The following SNAPC4 variants were observed in gnomAD, a reference collection of about 807,000 sequenced individuals.
SNAPC4 encodes small nuclear RNA activating complex polypeptide 4.
Under a neutral mutation model 151.3 loss-of-function variants are expected in SNAPC4, and 127 were observed. The ratio of observed to expected loss-of-function variants is 0.84; its 90% CI spans 0.73 to 0.97. The LOEUF (loss-of-function observed/expected upper bound fraction) is 0.97, where lower values mean the gene tolerates loss of function less well. SNAPC4 is among the 50% of genes least tolerant of loss of function. SNAPC4 has a pLI of 0.00. For synonymous variants in SNAPC4, 1,002 were observed against 824.4 expected (o/e 1.22, Z -3.69); for missense variants, 2,186 against 1,935.0 (o/e 1.13, Z -2.43).
Position 136,383,216 on chromosome 9 carries a change from G to A in SNAPC4, c.1953C>T (p.Arg651=). Residue 651 remains arginine (R), a synonymous_variant, in exon 16 of 24, where the codon CGC becomes CGT. Coordinates refer to ENST00000684778, the MANE Select transcript of SNAPC4 (RefSeq NM_003086.4). The surrounding 1 kb of genome is among the most constrained non-coding windows in gnomAD (Gnocchi z 4.2). ...GGGCCTGCTTCTCTGCGCCCGCCGGGCGAGTGTCTGCTGAGTGGGAGGCCT... is the reference window on the plus strand; with the variant it reads ...GGGCCTGCTTCTCTGCGCCCGCCGGACGAGTGTCTGCTGAGTGGGAGGCCT... ...SAQASHSADT[R]PAGAEKQALE... The A allele has an allele frequency of 6.4e-7, 1 of 1,559,488 alleles. No homozygotes were observed. The highest frequency in any genetic ancestry group is 1.2e-5 in the South Asian group (1 of 83,724).
In SNAPC4 at chr9:136,386,323, G is replaced by A. The variant is rs186829416; in HGVS notation, c.1325+1162C>T. Among the ~76,000 whole-genome samples the A allele has an allele frequency of 1.5e-3, 223 of 151,820 alleles. 1 individual carries two copies. Among genetic ancestry groups the A allele is most frequent in the Admixed American group, 2.6e-3 (39 of 15,256 alleles). On this transcript the variant is annotated intron_variant, in intron 13 of 23. Coordinates refer to ENST00000684778, the MANE Select transcript of SNAPC4 (RefSeq NM_003086.4). Reference sequence around the variant, plus strand: ...GCGATTAGATTGGGTTGTTTTTGTCGTTGAATGGCTTTTTCGGGTGATGAA... The same window carrying A: ...GCGATTAGATTGGGTTGTTTTTGTCATTGAATGGCTTTTTCGGGTGATGAA...
chr9:136,387,922 A>G, intron 11 of SNAPC4, 74 bp from the exon 12 acceptor site: 2 of 884,682 alleles, frequency 2.3e-6, no homozygotes, highest in Non-Finnish European at 3.8e-6. Context: ...GCTAGGGACA[A>G]CAGGGTCCCG....
At position 136,383,106 on chromosome 9, in the gene SNAPC4, T is replaced by A; in HGVS notation, c.1983+80A>T. On this transcript the variant is annotated intron_variant, in intron 16 of 23. Transcript: ENST00000684778. The surrounding 1 kb of genome is among the most constrained non-coding windows in gnomAD (Gnocchi z 4.2). Reference sequence around the variant, plus strand: ...ACACGAACCCTGGGGCCCCTGCTGCTGCACTATCCCCAAGCGTCAGCCCTG... The same window carrying A: ...ACACGAACCCTGGGGCCCCTGCTGCAGCACTATCCCCAAGCGTCAGCCCTG... 1 of 1,483,642 alleles carries A rather than the reference T, an allele frequency of 6.7e-7. No homozygotes were observed. The highest frequency in any genetic ancestry group is 8.9e-7 in the Non-Finnish European group (1 of 1,120,960). The allele number at this position is 1,483,642 out of a possible 1,614,324, so 91.9% of individuals were successfully genotyped here. A position where few individuals can be genotyped will look rare whatever the true frequency, so the allele number is the denominator to read the frequency against.
chr9:136,391,886 T>TA lies in SNAPC4; in HGVS notation c.975+55dup, dbSNP rs1173830938. 3 of 1,550,052 alleles carry TA rather than the reference T, an allele frequency of 1.9e-6. No homozygotes were observed. In the African/African-American group the frequency reaches 4.1e-5, roughly 21 times the overall value. The stretch of plus-strand genomic sequence containing the variant: ...GCACCCGTCCAGCAGCCTCCCGCTA[T>TA]AGGGCCCACACGCCCTCAGGTCTCC... On this transcript the variant is annotated intron_variant, in intron 10 of 23. Transcript: ENST00000684778.
rs749431755 is a variant in SNAPC4, at chr9:136,384,832, A to C, written c.1326-18T>G. ...TGAGATACCTGAACGTGACATGAAA[A>C]GCAAAGAACGTTTTAGATGCCGAGA... On this transcript the variant is annotated intron_variant, in intron 13 of 23. Transcript: ENST00000684778. The C allele has an allele frequency of 6.8e-7, 1 of 1,475,988 alleles. No individual in the cohort carries two copies. The highest frequency in any genetic ancestry group is 1.4e-5 in the African/African-American group (1 of 70,768). The allele number at this position is 1,475,988 out of a possible 1,614,324, so 91.4% of individuals were successfully genotyped here.
At chr9:136,392,381 T>C (rs1834108577) in intron 9 of SNAPC4, 141 bp downstream of exon 9, 1 of 895,718 alleles carries the variant, frequency 1.1e-6, no homozygotes, top group Admixed American at 1.8e-5. Flanking sequence ...GTGGGACATG[T>C]GCTTGACCCG....
intron 10 of SNAPC4, 73 bp from the exon 11 acceptor site, chr9:136,388,664 C>A: frequency 6.3e-7 from 1 of 1,584,002 alleles, no homozygotes; most frequent in Non-Finnish European, 8.6e-7. Context: ...CTGAGTGCCC[C>A]AGGGCACAGG....
Position 136,380,026 on chromosome 9 carries a change from CAGA to C in SNAPC4, c.2500-165_2500-163del, listed in dbSNP as rs1833630235. Among the ~76,000 whole-genome samples the C allele has an allele frequency of 2.0e-5, 3 of 152,216 alleles. No homozygotes were observed. In the South Asian group the frequency reaches 6.2e-4, roughly 31 times the overall value. On this transcript the variant is annotated intron_variant, in intron 20 of 23. Coordinates refer to ENST00000684778, the MANE Select transcript of SNAPC4 (RefSeq NM_003086.4). ...CGCCTCTGTAGGAACTCCGGGGCCA[CAGA>C]AGGAGCCAAGCATGTGGCCCGATCC...
At chr9:136,376,644 G>T (rs1476004928) in intron 22 of SNAPC4, among the ~76,000 whole-genome samples, 163 bp from the exon 23 acceptor site, 3 of 152,146 alleles carry the variant, frequency 2.0e-5, no homozygotes, top group African/African-American at 7.2e-5. Context: ...GGGGCCACAC[G>T]TGACTGTGCA....
rs551292955 is a variant in SNAPC4 at position 136,384,713 on chromosome 9, A to C, written c.1420+7T>G. 1.9e-5 allele frequency: 26 copies of C among 1,352,980 alleles called. No homozygotes were observed. The African/African-American group carries it at 3.5e-4, about 18-fold the overall frequency. The allele number at this position is 1,352,980 out of a possible 1,614,324, so 83.8% of individuals were successfully genotyped here. On this transcript the variant is annotated splice_region_variant and intron_variant, in intron 14 of 23. Transcript: ENST00000684778. ...GAAACTAGAAGAACAAACTGTCAGC[A>C]ACTTACCGACACCATATTTTTCTAT...
Position 136,383,430 on chromosome 9 carries a change from C to A in SNAPC4, c.1739G>T (p.Ser580Ile). The A allele has an allele frequency of 6.4e-7, 1 of 1,564,106 alleles. No individual in the cohort carries two copies. Among genetic ancestry groups the A allele is most frequent in the Non-Finnish European group, 8.7e-7 (1 of 1,154,394 alleles). The change falls in exon 16 of 24, where the codon AGC becomes ATC. Residue 580 changes from serine to isoleucine, a missense_variant. Coordinates refer to ENST00000684778, the MANE Select transcript of SNAPC4 (RefSeq NM_003086.4). The surrounding 1 kb of genome is among the most constrained non-coding windows in gnomAD (Gnocchi z 4.2). ...DLWVPARQSTSQPWRGGAGAW... is the reference protein window; with the variant it reads ...DLWVPARQSTIQPWRGGAGAW... ...CCCTGCCCCTCCTCTCCATGGCTGG[C>A]TGGTGCTCTGCCTGGCAGGAACCCA...
At chr9:136,386,822 A>G (rs1184636716) in intron 13 of SNAPC4, among the ~76,000 whole-genome samples, 7 of 149,296 alleles carry the variant, frequency 4.7e-5, no homozygotes, top group Admixed American at 4.0e-4. Flanking sequence ...GCGTGATCTC[A>G]GCTTACTGCA....
Position 136,381,352 on chromosome 9 carries a change from G to A in SNAPC4, c.2358C>T (p.Ala786=). The change falls in exon 19 of 24, where the codon GCC becomes GCT. Residue 786 remains alanine, a synonymous_variant. Transcript: ENST00000684778. ...LREQLQQARL[A]STPVFTLFTQ... is the part of the protein sequence containing the mutation. ...TAAACAGGGTAAACACAGGGGTGCT[G>A]GCCAGGCGGGCCTGCTGCAGCTGCT... is the stretch of plus-strand genomic sequence containing the variant. 6.2e-7 allele frequency: 1 copy of A among 1,612,878 alleles called. No individual in the cohort carries two copies. Among genetic ancestry groups the A allele is most frequent in the Non-Finnish European group, 8.5e-7 (1 of 1,179,864 alleles).
intron 1 of SNAPC4, 70 bp from the exon 2 acceptor site, chr9:136,398,507 C>T (rs1302068294): frequency 2.6e-5 from 41 of 1,558,092 alleles, no homozygotes; most frequent in Non-Finnish European, 6.1e-6. Flanking sequence ...CCTTCAGACA[C>T]ACCCGCCCAT....
chr9:136,383,353 C>T lies in SNAPC4; in HGVS notation c.1816G>A (p.Ala606Thr). ...GCTTCCTTGCTGCCGCCCTGGCTGGCACTGGACCCCTTGGGAGGGCTGAGG... is the reference window on the plus strand; with the variant it reads ...GCTTCCTTGCTGCCGCCCTGGCTGGTACTGGACCCCTTGGGAGGGCTGAGG... ...ASLSPPKGSS[A>T]SQGGSKEAST... The change falls in exon 16 of 24, where the codon GCC (alanine) becomes ACC (threonine). Residue 606 changes from alanine (A) to threonine (T), a missense_variant. Transcript: ENST00000684778. This position sits in a 1 kb window ranked among gnomAD's most constrained non-coding sequence, Gnocchi z 4.2. 6.2e-7 allele frequency: 1 copy of T among 1,607,608 alleles called. No homozygotes were observed. Among genetic ancestry groups the T allele is most frequent in the Non-Finnish European group, 8.5e-7 (1 of 1,177,582 alleles).
At chr9:136,394,178 G>T in intron 7 of SNAPC4, 71 bp downstream of exon 7, 1 of 1,266,312 alleles carries the variant, frequency 7.9e-7, no homozygotes, top group South Asian at 1.2e-5. Context: ...GCCTCCCAAA[G>T]TGCTGGGATT....
Position 136,383,217 on chromosome 9 carries a change from C to T in SNAPC4, c.1952G>A (p.Arg651His), listed in dbSNP as rs530852447. 54 of 1,559,500 alleles carry T rather than the reference C, an allele frequency of 3.5e-5. No homozygotes were observed. Among genetic ancestry groups the T allele is most frequent in the South Asian group, 1.6e-4 (13 of 83,696 alleles). Residue 651 changes from arginine to histidine, a missense_variant, in exon 16 of 24, where the codon CGC becomes CAC. Transcript: ENST00000684778. This position sits in a 1 kb window ranked among gnomAD's most constrained non-coding sequence, Gnocchi z 4.2. ...SAQASHSADT[R>H]PAGAEKQALE... is the part of the protein sequence containing the mutation. ...GGCCTGCTTCTCTGCGCCCGCCGGG[C>T]GAGTGTCTGCTGAGTGGGAGGCCTG... is the stretch of plus-strand genomic sequence containing the variant.
rs1833606634 is a variant in SNAPC4, at chr9:136,379,368, A to G, written c.2528-69T>C. ...GGCCCAGGGACAGCCCCTCGCTGCC[A>G]TCCCCTCATCAGGAGGGACCATGTG... On this transcript the variant is annotated intron_variant, in intron 21 of 23. Transcript: ENST00000684778. 3.8e-6 allele frequency: 6 copies of G among 1,591,800 alleles called. No homozygotes were observed. The Admixed American group carries it at 8.9e-5, about 24-fold the overall frequency.
rs1283521047 is a variant in SNAPC4, at chr9:136,394,877, C to T, written c.473G>A (p.Gly158Glu). 2 of 1,613,670 alleles carry T rather than the reference C, an allele frequency of 1.2e-6. No individual in the cohort carries two copies. Among genetic ancestry groups the T allele is most frequent in the Admixed American group, 1.7e-5 (1 of 60,018 alleles). Residue 158 changes from glycine (G) to glutamate (E), a missense_variant and splice_region_variant, in exon 6 of 24, where the codon GGG becomes GAG. Coordinates refer to ENST00000684778, the MANE Select transcript of SNAPC4 (RefSeq NM_003086.4). The part of the protein sequence containing the change: ...PYFKDKVTGV[G>E]PPANEDTREK... Reference sequence around the variant, plus strand: ...TCGTGTGTCCTCGTTGGCAGGTGGCCCCTGTCAGGGTGCACGGCATCACCA... The same window carrying T: ...TCGTGTGTCCTCGTTGGCAGGTGGCTCCTGTCAGGGTGCACGGCATCACCA...
Sources: gnomAD v4.1 joint callset for allele counts (sites outside exome capture counted in the v4.1 genomes callset) on GRCh38, gnomAD v4.1.1 for gene constraint, Gnocchi (gnomAD v3.1) non-coding constraint, MANE v1.5 for transcripts, NCBI Gene and HGNC (gene_info 2026-07-23, HGNC 2026-07-21) for gene names.